PLSCR4: variants seen among roughly 807,000 people sequenced by gnomAD.
PLSCR4 encodes the protein Ca(2+)-dependent phospholipid scramblase 4.
In PLSCR4, 25 loss-of-function variants were observed where a neutral mutation model predicts 36.3. The observed-to-expected ratio is 0.69, with a 90% confidence interval of 0.50 to 0.96. The LOEUF (loss-of-function observed/expected upper bound fraction) is 0.96. Ranked by LOEUF, PLSCR4 falls within the 40% of genes least tolerant of loss-of-function variation. The pLI, the probability that PLSCR4 is intolerant of heterozygous loss-of-function variation, is 0.00. For missense variants in PLSCR4, 408 were observed against 414.7 expected (o/e 0.98, Z 0.14); for synonymous variants, 122 against 132.9 (o/e 0.92, Z 0.56).
chr3:146,228,278 T>TTA (rs2035561552), intron 1 of PLSCR4, among the ~76,000 whole-genome samples: 1 of 152,212 alleles, frequency 6.6e-6, no homozygotes, highest in Admixed American at 6.5e-5. Flanking sequence ...TAAATGTGTG[T>TTA]GTTTAACAGC....
intron 1 of PLSCR4, among the ~76,000 whole-genome samples, chr3:146,247,812 G>A (rs1162525179): frequency 3.3e-5 from 5 of 152,058 alleles, no homozygotes; most frequent in Non-Finnish European, 7.4e-5. Flanking sequence ...TTTAGAGGTG[G>A]GGTATCGCCA....
chr3:146,236,154 G>A (rs1293466425), intron 1 of PLSCR4, among the ~76,000 whole-genome samples: 1 of 152,110 alleles, frequency 6.6e-6, no homozygotes, highest in Non-Finnish European at 1.5e-5. Flanking sequence ...ATAACTAGAA[G>A]GAAGGAAATT....
intron 1 of PLSCR4, among the ~76,000 whole-genome samples, chr3:146,224,228 A>G (rs7611582): frequency 0.36 from 55,372 of 152,042 alleles, 10,178 homozygotes; most frequent in African/African-American, 0.41. Context: ...ATGTCCATCA[A>G]TGGTAGACTG....
intron 3 of PLSCR4, among the ~76,000 whole-genome samples, chr3:146,215,553 A>C (rs1328930281): frequency 6.6e-6 from 1 of 152,184 alleles, no homozygotes; most frequent in Non-Finnish European, 1.5e-5. Context: ...GAAAAAAATA[A>C]TTTTTACCTA....
chr3:146,220,880 T>C lies in PLSCR4; in HGVS notation c.53A>G (p.Asn18Ser). 6.2e-7 allele frequency: 1 copy of C among 1,613,830 alleles called. No individual in the cohort carries two copies. Among genetic ancestry groups the C allele is most frequent in the East Asian group, 2.2e-5 (1 of 44,856 alleles). Residue 18 changes from asparagine (N) to serine (S), a missense_variant, in exon 3 of 9, where the codon AAT becomes AGT. Transcript: ENST00000354952. The part of the protein sequence containing the change: ...APEQPAGEME[N>S]QTKPPDPRPD... ...CCTTGGATCTGGTGGTTTTGTTTGA[T>C]TTTCCATTTCACCTGCAGGCTGTTC...
intron 1 of PLSCR4, among the ~76,000 whole-genome samples, chr3:146,234,538 C>G (rs912786184): frequency 2.6e-5 from 4 of 152,050 alleles, no homozygotes; most frequent in African/African-American, 9.7e-5. Flanking sequence ...TGGGGTACAC[C>G]CTGTTCCCTT....
intron 4 of PLSCR4, among the ~76,000 whole-genome samples, chr3:146,203,956 A>G (rs2034183899): frequency 6.6e-6 from 1 of 151,976 alleles, no homozygotes; most frequent in Admixed American, 6.6e-5. Flanking sequence ...GCCTATCTCA[A>G]CTTTCAACAT....
At chr3:146,234,116 G>A (rs1330061865) in intron 1 of PLSCR4, among the ~76,000 whole-genome samples, 2 of 152,098 alleles carry the variant, frequency 1.3e-5, no homozygotes, top group East Asian at 1.9e-4. Flanking sequence ...TGAATGAACA[G>A]CTATTTGAAG....
chr3:146,195,453 A>C (rs1559895317), intron 7 of PLSCR4, among the ~76,000 whole-genome samples, 171 bp from the exon 8 acceptor site: 1 of 152,218 alleles, frequency 6.6e-6, no homozygotes, highest in Non-Finnish European at 1.5e-5. Context: ...GCAACTGGTT[A>C]ATAACTGAGC....
intron 3 of PLSCR4, among the ~76,000 whole-genome samples, chr3:146,215,144 T>C (rs2034834009): frequency 6.6e-6 from 1 of 152,104 alleles, no homozygotes; most frequent in African/African-American, 2.4e-5. Context: ...ACTGAAGATA[T>C]ATTCAGAGTA....
At chr3:146,237,451 A>G (rs923477305) in intron 1 of PLSCR4, among the ~76,000 whole-genome samples, 1 of 152,142 alleles carries the variant, frequency 6.6e-6, no homozygotes, top group African/African-American at 2.4e-5. Flanking sequence ...CATATGAAAC[A>G]TTCTCCAAGA....
intron 3 of PLSCR4, among the ~76,000 whole-genome samples, chr3:146,210,405 T>C (rs908989191): frequency 6.6e-6 from 1 of 152,030 alleles, no homozygotes; most frequent in African/African-American, 2.4e-5. Flanking sequence ...AAAATGGAAC[T>C]AGATTTTTCA....
chr3:146,199,988 T>C lies in PLSCR4; in HGVS notation c.449A>G (p.Asp150Gly). The C allele has an allele frequency of 1.9e-6, 3 of 1,612,404 alleles. No homozygotes were observed. The highest frequency in any genetic ancestry group is 2.5e-6 in the Non-Finnish European group (3 of 1,178,644). ...TTCGGTTACAATGTAAACCATCTGG[T>C]CTGAGTTGTTTTTAATATCATATCT... ...NNRYDIKNNS[D>G]QMVYIVTEDT... Residue 150 changes from aspartate (D) to glycine (G), a missense_variant, in exon 6 of 9, where the codon GAC (aspartate) becomes GGC (glycine). Asp to Gly is a moderately conservative substitution (Grantham distance 94, BLOSUM62 -1). Coordinates refer to ENST00000354952, the MANE Select transcript of PLSCR4 (RefSeq NM_020353.3).
At chr3:146,194,569 A>C in intron 8 of PLSCR4, 114 bp from the exon 9 acceptor site, 1 of 639,182 alleles carries the variant, frequency 1.6e-6, no homozygotes, top group South Asian at 2.4e-5. Context: ...AAATACATAA[A>C]TTTAGGGAAA....
rs866806432 is a variant in PLSCR4 at position 146,220,856 on chromosome 3, C to T, written c.77G>A (p.Arg26Lys). The change falls in exon 3 of 9, where the codon AGG becomes AAG. Residue 26 changes from arginine (R) to lysine (K), a missense_variant. Transcript: ENST00000354952. ...MENQTKPPDP[R>K]PDAPPEYNSH... is the part of the protein sequence containing the mutation. ...ATTGTATTCAGGAGGAGCATCAGGC[C>T]TTGGATCTGGTGGTTTTGTTTGATT... 6.2e-7 allele frequency: 1 copy of T among 1,613,454 alleles called. No individual in the cohort carries two copies. Among genetic ancestry groups the T allele is most frequent in the Non-Finnish European group, 8.5e-7 (1 of 1,179,592 alleles).
chr3:146,228,735 A>G lies in PLSCR4; in HGVS notation c.-21-6643T>C, dbSNP rs566519815. Among the ~76,000 whole-genome samples, 1,139 of 152,330 alleles carry G rather than the reference A, an allele frequency of 7.5e-3. 18 individuals are homozygous for G. The highest frequency in any genetic ancestry group is 0.026 in the African/African-American group (1,064 of 41,582). ...ATCAACATATAAATATTGAGTTTTCATAATTTTGTACTACAAAAATTGAGT... is the reference window on the plus strand; with the variant it reads ...ATCAACATATAAATATTGAGTTTTCGTAATTTTGTACTACAAAAATTGAGT... On this transcript the variant is annotated intron_variant, in intron 1 of 8. Transcript: ENST00000354952.
chr3:146,201,259 G>A (rs1559900282), intron 4 of PLSCR4, among the ~76,000 whole-genome samples, 182 bp from the exon 5 acceptor site: 2 of 152,082 alleles, frequency 1.3e-5, no homozygotes, highest in African/African-American at 4.8e-5. Context: ...TGATCGGATG[G>A]ATATTAGCAG....
chr3:146,205,451 C>T (rs2034273791), intron 4 of PLSCR4, among the ~76,000 whole-genome samples: 1 of 151,990 alleles, frequency 6.6e-6, no homozygotes, highest in South Asian at 2.1e-4. Flanking sequence ...GACCTTATGG[C>T]CTCTCTTTGG....
intron 1 of PLSCR4, among the ~76,000 whole-genome samples, chr3:146,224,965 T>C (rs1440207209): frequency 2.0e-5 from 3 of 150,992 alleles, no homozygotes; most frequent in African/African-American, 7.3e-5. Flanking sequence ...AGATACAGAG[T>C]GTCGATTGGT....
Sources: gnomAD v4.1 joint callset for allele counts (sites outside exome capture counted in the v4.1 genomes callset) on GRCh38, gnomAD v4.1.1 for gene constraint, MANE v1.5 for transcripts, NCBI Gene and HGNC (gene_info 2026-07-23, HGNC 2026-07-21) for gene names.